The following ANAPC1 variants were observed in gnomAD, a reference collection of about 807,000 sequenced individuals.
ANAPC1 encodes the protein anaphase promoting complex subunit 1.
ANAPC1 carries 36 observed loss-of-function variants against 208.0 expected under a neutral mutation model. That is an observed-to-expected ratio of 0.17 (90% CI 0.13 to 0.23). The LOEUF is 0.23. Ranked by LOEUF, ANAPC1 falls within the 10% of genes least tolerant of loss-of-function variation. The pLI, the probability that ANAPC1 is intolerant of heterozygous loss-of-function variation, is 1.00. For missense variants in ANAPC1, 942 were observed against 2,011.6 expected (o/e 0.47, Z 10.17); for synonymous variants, 378 against 695.2 (o/e 0.54, Z 7.18).
intron 41 of ANAPC1, among the ~76,000 whole-genome samples, 165 bp downstream of exon 41, chr2:111,784,158 T>C (rs1322266859): frequency 6.6e-6 from 1 of 152,084 alleles, no homozygotes; most frequent in Non-Finnish European, 1.5e-5. Context: ...TAAAGATCTC[T>C]AAGAAAAGAC....
intron 8 of ANAPC1, among the ~76,000 whole-genome samples, chr2:111,864,463 C>CTT (rs1156702851): frequency 0.5 from 47,676 of 94,976 alleles, 14,676 homozygotes; most frequent in South Asian, 0.61. Context: ...TATATATATA[C>CTT]TTTTTTTTTT....
At chr2:111,866,850 A>G (rs1682452116) in intron 7 of ANAPC1, among the ~76,000 whole-genome samples, 1 of 150,718 alleles carries the variant, frequency 6.6e-6, no homozygotes, top group African/African-American at 2.5e-5. Context: ...AGGCTCTAGT[A>G]TGTTTATTCG....
At position 111,825,166 on chromosome 2, in the gene ANAPC1, G is replaced by C. The variant is rs376941023; in HGVS notation, c.2706C>G (p.Ala902=). ...SSQYLTRITI[A]PQKLQVEQEE... ...CTTGTTCTACTTGCAACTTCTGGGG[G>C]GCTAAAAGGCAACAAAATGAAACTT... Residue 902 remains alanine, a splice_region_variant and synonymous_variant, in exon 23 of 48, where the codon GCC becomes GCG. Transcript: ENST00000341068. 7.5e-6 allele frequency: 12 copies of C among 1,609,956 alleles called. No individual in the cohort carries two copies. The highest frequency in any genetic ancestry group is 9.3e-6 in the Non-Finnish European group (11 of 1,178,428).
intron 10 of ANAPC1, among the ~76,000 whole-genome samples, chr2:111,859,866 T>C (rs1437403932): frequency 6.6e-6 from 1 of 152,234 alleles, no homozygotes; most frequent in East Asian, 1.9e-4. Flanking sequence ...GTATTTTCAA[T>C]ACTTTCCCTT....
intron 46 of ANAPC1, among the ~76,000 whole-genome samples, chr2:111,773,459 A>T (rs1353426498): frequency 6.6e-6 from 1 of 152,226 alleles, no homozygotes; most frequent in Non-Finnish European, 1.5e-5. Context: ...CCTTACCTGC[A>T]GACCTCTAAT....
At chr2:111,799,196 A>G (rs1361507116) in intron 34 of ANAPC1, among the ~76,000 whole-genome samples, 1 of 152,254 alleles carries the variant, frequency 6.6e-6, no homozygotes, top group Non-Finnish European at 1.5e-5. Flanking sequence ...AACCAATGAA[A>G]AAGTTCTCAA....
intron 6 of ANAPC1, among the ~76,000 whole-genome samples, chr2:111,868,967 C>T (rs1682586400): frequency 6.6e-6 from 1 of 152,170 alleles, no homozygotes; most frequent in South Asian, 2.1e-4. Flanking sequence ...CACAACATGC[C>T]TGACAGGTGC....
chr2:111,865,135 C>T (rs2104567944), intron 7 of ANAPC1, among the ~76,000 whole-genome samples, 184 bp from the exon 8 acceptor site: 1 of 151,530 alleles, frequency 6.6e-6, no homozygotes, highest in East Asian at 1.9e-4. Context: ...CATCAACTTC[C>T]TTAAAATACA....
chr2:111,871,840 T>A (rs887606584), intron 6 of ANAPC1, among the ~76,000 whole-genome samples: 6 of 152,250 alleles, frequency 3.9e-5, no homozygotes, highest in African/African-American at 1.4e-4. Context: ...TACATTGATT[T>A]TGTAATCTGA....
Position 111,879,216 on chromosome 2 carries a change from C to CA in ANAPC1, c.214-246dup, listed in dbSNP as rs567204741. Reference sequence around the variant, plus strand: ...TTCCTCTATATTACTCTGCCAAAAACAAAAACGAACAAAAAGTACACCTTC... The same window carrying CA: ...TTCCTCTATATTACTCTGCCAAAAACAAAAAACGAACAAAAAGTACACCTTC... On this transcript the variant is annotated intron_variant, in intron 2 of 47. Transcript: ENST00000341068. Among the ~76,000 whole-genome samples the CA allele has an allele frequency of 7.2e-5, 11 of 152,242 alleles. No individual in the cohort carries two copies. The South Asian group carries it at 2.3e-3, about 32-fold the overall frequency.
chr2:111,769,542 T>C, intron 47 of ANAPC1, 136 bp from the exon 48 acceptor site: 3 of 609,722 alleles, frequency 4.9e-6, no homozygotes, highest in East Asian at 2.8e-5. Flanking sequence ...GCAAAGACAA[T>C]ATTTAAAATT....
At chr2:111,879,009 CTTTT>C (rs770383499) in intron 2 of ANAPC1, 38 bp from the exon 3 acceptor site, 2 of 1,576,470 alleles carry the variant, frequency 1.3e-6, no homozygotes, top group Admixed American at 1.9e-5. Context: ...TTCAAGCACT[CTTTT>C]TTTGTTCTTC....
At chr2:111,882,582 A>G (rs1233336161) in intron 1 of ANAPC1, among the ~76,000 whole-genome samples, 14 of 151,580 alleles carry the variant, frequency 9.2e-5, no homozygotes, top group Admixed American at 7.9e-4. Context: ...ATACAAAAAA[A>G]AAAAAATTAC....
At chr2:111,836,878 G>A (rs1320556971) in intron 18 of ANAPC1, among the ~76,000 whole-genome samples, 1 of 151,450 alleles carries the variant, frequency 6.6e-6, no homozygotes, top group Non-Finnish European at 1.5e-5. Context: ...TGAGGCATGA[G>A]AACTGCCTGA....
In ANAPC1 at chr2:111,768,388, G is replaced by C. The variant is rs1412897082; in HGVS notation, c.*903C>G. On this transcript the variant is annotated 3_prime_UTR_variant, in exon 48 of 48. Coordinates refer to ENST00000341068, the MANE Select transcript of ANAPC1 (RefSeq NM_022662.4). The stretch of plus-strand genomic sequence containing the variant: ...TAGAGCAGGCTTCACGTATTAGTCT[G>C]CCTGGGCTGCCATAACAAAATACCA... 1 of 151,800 alleles carries C rather than the reference G, an allele frequency of 6.6e-6. No individual in the cohort carries two copies. Among genetic ancestry groups the C allele is most frequent in the Non-Finnish European group, 1.5e-5 (1 of 68,040 alleles). The allele number at this position is 151,800 out of a possible 1,614,324, so 9.4% of individuals were successfully genotyped here.
At chr2:111,807,505 CACCATGAAACCCTGTCTCT>C (rs1678742481) in intron 29 of ANAPC1, among the ~76,000 whole-genome samples, 1 of 151,998 alleles carries the variant, frequency 6.6e-6, no homozygotes, top group South Asian at 2.1e-4. Context: ...TCCTGGCTAA[CACCATGAAACCCTGTCTCT>C]ACTAAAAATA....
At chr2:111,782,836 G>A (rs1410679096) in intron 42 of ANAPC1, among the ~76,000 whole-genome samples, 1 of 152,008 alleles carries the variant, frequency 6.6e-6, no homozygotes, top group East Asian at 1.9e-4. Flanking sequence ...GGGTACATGA[G>A]GTACTAAATA....
intron 13 of ANAPC1, among the ~76,000 whole-genome samples, chr2:111,852,093 C>A (rs1681433880): frequency 6.7e-6 from 1 of 150,308 alleles, no homozygotes; most frequent in African/African-American, 2.4e-5. Context: ...TTTTTAAAAG[C>A]TATCTCAAAC....
intron 45 of ANAPC1, among the ~76,000 whole-genome samples, chr2:111,777,729 T>C (rs1437690617): frequency 1.3e-5 from 2 of 152,188 alleles, no homozygotes; most frequent in East Asian, 3.9e-4. Context: ...TTAGTTATAT[T>C]GGAACTTGGT....
Sources: gnomAD v4.1 joint callset for allele counts (sites outside exome capture counted in the v4.1 genomes callset) on GRCh38, gnomAD v4.1.1 for gene constraint, MANE v1.5 for transcripts, NCBI Gene and HGNC (gene_info 2026-07-23, HGNC 2026-07-21) for gene names.